The following PCLO variants were observed in gnomAD, a reference collection of about 807,000 sequenced individuals.
The protein encoded by PCLO is piccolo presynaptic cytomatrix protein, also known as protein piccolo.
PCLO carries 82 observed loss-of-function variants against 427.5 expected under a neutral mutation model. The observed-to-expected ratio is 0.19, with a 90% CI of 0.16 to 0.23. PCLO has a LOEUF of 0.23. PCLO is among the 10% of genes least tolerant of loss of function. The probability of loss-of-function intolerance (pLI) is 1.00; values close to 1 mark genes in which losing one functional copy is unlikely to be tolerated. For missense variants in PCLO, 6,239 were observed against 6,115.9 expected, an observed-to-expected ratio of 1.02 and a Z score of -0.67; for synonymous variants, 2,357 against 2,155.4, an observed-to-expected ratio of 1.09 and a Z score of -2.59.
At chr7:83,133,546 A>T (rs1791628130) in intron 3 of PCLO, among the ~76,000 whole-genome samples, 1 of 152,044 alleles carries the variant, frequency 6.6e-6, no homozygotes, top group Non-Finnish European at 1.5e-5. Flanking sequence ...TATTCTTATC[A>T]TCCCTTTAAA....
At chr7:83,141,086 C>G (rs1415048781) in intron 2 of PCLO, among the ~76,000 whole-genome samples, 1 of 152,170 alleles carries the variant, frequency 6.6e-6, no homozygotes, top group South Asian at 2.1e-4. Flanking sequence ...ATGGCTTCCA[C>G]AAAGGTTTCC....
At chr7:82,964,179 G>A (rs1159608726) in intron 4 of PCLO, among the ~76,000 whole-genome samples, 1 of 152,096 alleles carries the variant, frequency 6.6e-6, no homozygotes, top group East Asian at 1.9e-4. Context: ...AGTGCCCTGA[G>A]GAACAGGAGT....
intron 9 of PCLO, 75 bp from the exon 10 acceptor site, chr7:82,879,537 C>T: frequency 8.7e-7 from 1 of 1,145,106 alleles, no homozygotes; most frequent in East Asian, 2.7e-5. Flanking sequence ...ACAGAGAGCA[C>T]AAAAAGTAGG....
At chr7:82,835,734 G>C (rs1430034692) in intron 15 of PCLO, 41 bp from the exon 16 acceptor site, 12 of 1,538,908 alleles carry the variant, frequency 7.8e-6, no homozygotes, top group Non-Finnish European at 9.8e-6. Flanking sequence ...GGTAAAACAG[G>C]AAAGTAGAAA....
chr7:83,029,877 C>T (rs1788614828), intron 3 of PCLO, among the ~76,000 whole-genome samples: 2 of 146,394 alleles, frequency 1.4e-5, no homozygotes, highest in Admixed American at 1.4e-4. Flanking sequence ...AACCAAACAC[C>T]GCATATTCTC....
In PCLO at chr7:83,135,224, G is replaced by A; in HGVS notation, c.2326C>T (p.Pro776Ser). The A allele has an allele frequency of 6.2e-7, 1 of 1,613,890 alleles. No individual in the cohort carries two copies. The highest frequency in any genetic ancestry group is 8.5e-7 in the Non-Finnish European group (1 of 1,179,888). Residue 776 changes from proline to serine, a missense_variant, in exon 3 of 25, where the codon CCT becomes TCT. Pro to Ser is a moderately conservative substitution (Grantham distance 74). This residue lies in a region of PCLO where 4,677 missense variants were observed against 4,468.4 expected (regional missense o/e 1.05). Coordinates refer to ENST00000333891, the MANE Select transcript of PCLO (RefSeq NM_033026.6). ...TGTACTTTGGAGCTTGGAATATCAG[G>A]TTTTGTTGTTGCTGATGATGAAGAT... The part of the protein sequence containing the change: ...LVSSSSATTK[P>S]DIPSSKVQSQ...
chr7:82,902,637 A>G lies in PCLO; in HGVS notation c.13528+14T>C. On this transcript the variant is annotated intron_variant, in intron 9 of 24. Coordinates refer to ENST00000333891, the MANE Select transcript of PCLO (RefSeq NM_033026.6). ...AAAAACAAAAAAAATATTAGATTAT[A>G]TGATTTGCTTTACCTGAAACTGTGT... 2 of 1,443,588 alleles carry G rather than the reference A, an allele frequency of 1.4e-6. No individual in the cohort carries two copies. The highest frequency in any genetic ancestry group is 1.9e-6 in the Non-Finnish European group (2 of 1,034,570). The allele number at this position is 1,443,588 out of a possible 1,614,324, so 89.4% of individuals were successfully genotyped here. A position where few individuals can be genotyped will look rare whatever the true frequency, so the allele number is the denominator to read the frequency against.
At position 82,952,538 on chromosome 7, in the gene PCLO, A is replaced by G. The variant is rs1439489715; in HGVS notation, c.8415T>C (p.Ser2805=). Residue 2805 remains serine (S), a synonymous_variant, in exon 5 of 25, where the codon AGT becomes AGC. Coordinates refer to ENST00000333891, the MANE Select transcript of PCLO (RefSeq NM_033026.6). ...CTAGGCTTTCTGTGCCTGTAGTGTAACTTGCACTAGCTGTGCATGTGACAA... is the reference window on the plus strand; with the variant it reads ...CTAGGCTTTCTGTGCCTGTAGTGTAGCTTGCACTAGCTGTGCATGTGACAA... ...VTFVTCTASA[S]YTTGTESLVG... is the part of the protein sequence containing the mutation. 6.2e-7 allele frequency: 1 copy of G among 1,613,796 alleles called. No homozygotes were observed. The highest frequency in any genetic ancestry group is 8.5e-7 in the Non-Finnish European group (1 of 1,179,854).
intron 3 of PCLO, among the ~76,000 whole-genome samples, chr7:82,978,893 CA>C: frequency 1.4e-5 from 2 of 144,162 alleles, no homozygotes; most frequent in African/African-American, 2.6e-5. Context: ...CACACACACA[CA>C]CTCCACAAAA....
chr7:82,782,665 C>T (rs897517676), intron 22 of PCLO, among the ~76,000 whole-genome samples: 1 of 151,978 alleles, frequency 6.6e-6, no homozygotes, highest in Non-Finnish European at 1.5e-5. Flanking sequence ...AACTTTTTTA[C>T]GTTAATATAA....
intron 13 of PCLO, 34 bp downstream of exon 13, chr7:82,845,237 C>A (rs771465973): frequency 9.1e-6 from 13 of 1,435,784 alleles, no homozygotes; most frequent in Non-Finnish European, 1.3e-5. Context: ...AGCTAGAAAA[C>A]AAGTGGGTCA....
At chr7:82,820,604 A>T in intron 20 of PCLO, 1 of 1,229,524 alleles carries the variant, frequency 8.1e-7, no homozygotes. Context: ...GGATCAAGAG[A>T]GAACTTTCAC....
chr7:82,956,980 C>G, intron 4 of PCLO, 45 bp from the exon 5 acceptor site: 2 of 1,484,630 alleles, frequency 1.3e-6, no homozygotes, highest in Non-Finnish European at 8.9e-7. Flanking sequence ...CATGGTTAAA[C>G]TAAAAACATG....
chr7:82,820,797 T>A (rs1303379195), intron 20 of PCLO: 3 of 1,231,084 alleles, frequency 2.4e-6, no homozygotes, highest in Non-Finnish European at 3.0e-6. Context: ...TGAAACATAT[T>A]TATAGTCATG....
chr7:83,005,722 T>C (rs1468228554), intron 3 of PCLO, among the ~76,000 whole-genome samples: 3 of 151,624 alleles, frequency 2.0e-5, no homozygotes, highest in African/African-American at 7.3e-5. Flanking sequence ...ACCTTAAATA[T>C]ACATACTTTT....
At chr7:82,947,871 G>GA (rs145937234) in intron 6 of PCLO, among the ~76,000 whole-genome samples, 1,820 of 152,038 alleles carry the variant, frequency 0.012, 36 homozygotes, top group African/African-American at 0.042. Context: ...ACTTTGTGAG[G>GA]AAAAAAATAT....
At chr7:82,811,837 C>A (rs1791578432) in intron 20 of PCLO, among the ~76,000 whole-genome samples, 1 of 151,188 alleles carries the variant, frequency 6.6e-6, no homozygotes, top group Non-Finnish European at 1.5e-5. Flanking sequence ...ATTTGTAAGT[C>A]GTTAGGCATG....
intron 10 of PCLO, among the ~76,000 whole-genome samples, chr7:82,870,968 G>A (rs1793219992): frequency 6.6e-6 from 1 of 151,886 alleles, no homozygotes; most frequent in East Asian, 1.9e-4. Flanking sequence ...GCAGATGCTG[G>A]CAAAGACTTG....
intron 3 of PCLO, among the ~76,000 whole-genome samples, chr7:83,041,272 G>C (rs1474647485): frequency 2.6e-5 from 4 of 152,022 alleles, no homozygotes; most frequent in African/African-American, 7.2e-5. Flanking sequence ...GAAACAATAA[G>C]TATATATTGT....
Sources: gnomAD v4.1 joint callset for allele counts (sites outside exome capture counted in the v4.1 genomes callset) on GRCh38, gnomAD v4.1.1 for gene constraint, gnomAD v4.1.1 regional missense constraint, MANE v1.5 for transcripts, NCBI Gene and HGNC (gene_info 2026-07-23, HGNC 2026-07-21) for gene names.